The following MEA1 variants were observed in gnomAD, a reference collection of about 807,000 sequenced individuals.
MEA1 encodes the protein male-enhanced antigen 1, also known as Male-enhanced antigen (H-Y structural gene).
A neutral mutation model predicts 21.4 loss-of-function variants in MEA1; 22 were observed. That is an observed-to-expected ratio of 1.03 (90% confidence interval 0.73 to 1.47). The LOEUF (loss-of-function observed/expected upper bound fraction) is 1.47. Among genes scored for constraint, MEA1 ranks in the 40% most tolerant of loss-of-function variants. MEA1 has a pLI of 0.00. For missense variants in MEA1, 233 were observed against 230.5 expected, an observed-to-expected ratio of 1.01 and a Z score of -0.07; for synonymous variants, 91 against 85.5, an observed-to-expected ratio of 1.06 and a Z score of -0.35.
intron 1 of MEA1, 145 bp downstream of exon 1, chr6:43,013,641 A>T (rs1762461703): frequency 1.1e-6 from 1 of 930,140 alleles, no homozygotes; most frequent in Non-Finnish European, 1.7e-6. Context: ...AGGCCCTGCC[A>T]CCTCCTAAAA....
chr6:43,015,579 G>T (rs886747690), upstream of MEA1, among the ~76,000 whole-genome samples: 2 of 152,166 alleles, frequency 1.3e-5, no homozygotes, highest in African/African-American at 4.8e-5. Flanking sequence ...GCTGGGCATG[G>T]TGGCTCACGC....
upstream of MEA1, chr6:43,014,502 AG>A: frequency 2.1e-6 from 1 of 482,062 alleles, no homozygotes; most frequent in Non-Finnish European, 4.1e-6. Flanking sequence ...TAATGGGGAA[AG>A]CAGGGCTAGG....
chr6:43,013,023 C>T lies in MEA1; in HGVS notation c.309G>A (p.Leu103=). 3 of 1,614,208 alleles carry T rather than the reference C, an allele frequency of 1.9e-6. No homozygotes were observed. Among genetic ancestry groups the T allele is most frequent in the Non-Finnish European group, 2.5e-6 (3 of 1,180,032 alleles). The change falls in exon 3 of 4, where the codon CTG becomes CTA. Residue 103 remains leucine (L), a synonymous_variant. Transcript: ENST00000244711. The stretch of plus-strand genomic sequence containing the variant: ...ATGGTGGGTCTGGCAAATGAAGCCC[C>T]AGGGCCTGCAGAGCCACAGAAGACC... ...VADIQDRIQA[L]GLHLPDPPLE... is the part of the protein sequence containing the mutation.
upstream of MEA1, chr6:43,014,299 G>T: frequency 2.9e-6 from 2 of 696,060 alleles, no homozygotes; most frequent in Non-Finnish European, 4.7e-6. Context: ...CGGGTTCTAG[G>T]CTGCAGGCAG....
chr6:43,014,486 G>A (rs1762508587), upstream of MEA1: 1 of 501,764 alleles, frequency 2.0e-6, no homozygotes, highest in Non-Finnish European at 3.9e-6. Context: ...TGGGAAAGGA[G>A]AGTGTTAATG....
chr6:43,014,530 A>G (rs776771304), upstream of MEA1: 2 of 468,072 alleles, frequency 4.3e-6, no homozygotes, highest in South Asian at 3.1e-5. Context: ...TGGCGAGGAG[A>G]TGGGTAGGAG....
Position 43,013,042 on chromosome 6 carries a change from G to T in MEA1, c.304-14C>A. 5 of 1,614,172 alleles carry T rather than the reference G, an allele frequency of 3.1e-6. No individual in the cohort carries two copies. The highest frequency in any genetic ancestry group is 1.6e-4 in the Middle Eastern group (1 of 6,062). On this transcript the variant is annotated splice_polypyrimidine_tract_variant and intron_variant, in intron 2 of 3. Coordinates refer to ENST00000244711, the MANE Select transcript of MEA1 (RefSeq NM_014623.4). ...AAGCCCCAGGGCCTGCAGAGCCACA[G>T]AAGACCGTTTGGGTCTAGGCTTTCA...
chr6:43,016,816 GT>G (rs926609763), upstream of MEA1: 2 of 235,888 alleles, frequency 8.5e-6, no homozygotes, highest in African/African-American at 4.5e-5. Flanking sequence ...GGGGCTTCAA[GT>G]TTGTGCCAAG....
chr6:43,012,924 ACC>A lies in MEA1; in HGVS notation c.406_406+1del. ...TTCCAGAATGAAAGAATGATCTTTTACCTGGGTCCATGGGAATAGAGCTGTGG... is the reference window on the plus strand; with the variant it reads ...TTCCAGAATGAAAGAATGATCTTTTATGGGTCCATGGGAATAGAGCTGTGG... On this transcript the variant is annotated splice_donor_variant and coding_sequence_variant, in exon 3 of 4. Coordinates refer to ENST00000244711, the MANE Select transcript of MEA1 (RefSeq NM_014623.4). LOFTEE classifies it high-confidence loss of function. 6.2e-7 allele frequency: 1 copy of A among 1,611,706 alleles called. No individual in the cohort carries two copies. Among genetic ancestry groups the A allele is most frequent in the Non-Finnish European group, 8.5e-7 (1 of 1,177,774 alleles).
In MEA1 at chr6:43,012,938, G is replaced by A. The variant is rs1762423462; in HGVS notation, c.394C>T (p.Pro132Ser). Residue 132 changes from proline to serine, a missense_variant, in exon 3 of 4, where the codon CCC becomes TCC. By Grantham distance (74) the Pro-to-Ser change is moderately conservative. Transcript: ENST00000244711. ...ATALNNHSSI[P>S]MDPEHVELVK... ...AATGATCTTTTACCTGGGTCCATGG[G>A]AATAGAGCTGTGGTTGTTCAACGCT... The A allele has an allele frequency of 1.2e-6, 2 of 1,613,496 alleles. No homozygotes were observed. The highest frequency in any genetic ancestry group is 1.7e-6 in the Non-Finnish European group (2 of 1,179,516).
upstream of MEA1, chr6:43,014,362 G>T (rs1762503014): frequency 1.9e-5 from 12 of 621,200 alleles, no homozygotes; most frequent in South Asian, 2.1e-4. Flanking sequence ...GCCTGGGATG[G>T]GTAGAAGGGC....
At position 43,013,233 on chromosome 6, in the gene MEA1, C is replaced by A. The variant is rs1314349767; in HGVS notation, c.185G>T (p.Gly62Val). 3 of 1,614,150 alleles carry A rather than the reference C, an allele frequency of 1.9e-6. No homozygotes were observed. Among genetic ancestry groups the A allele is most frequent in the South Asian group, 2.2e-5 (2 of 91,076 alleles). ...GTAGGAGTAGCCAGCTGGGCCCGAC[C>A]CCGTTTCCTCCTGCTCTTCCTCAGG... ...EEPEEEQEET[G>V]SGPAGYSYQP... The change falls in exon 2 of 4, where the codon GGG becomes GTG. Residue 62 changes from glycine (G) to valine (V), a missense_variant. Coordinates refer to ENST00000244711, the MANE Select transcript of MEA1 (RefSeq NM_014623.4).
rs1463790539 is a variant in MEA1, at chr6:43,011,267, C to G, written c.*1203G>C. ...AAGCGGGCGGAAGAGTTCCTAACTGCCAGCCAGGAGGCTCTCTGACCCCTC... is the reference window on the plus strand; with the variant it reads ...AAGCGGGCGGAAGAGTTCCTAACTGGCAGCCAGGAGGCTCTCTGACCCCTC... On this transcript the variant is annotated 3_prime_UTR_variant, in exon 4 of 4. Coordinates refer to ENST00000244711, the MANE Select transcript of MEA1 (RefSeq NM_014623.4). The G allele has an allele frequency of 6.2e-7, 1 of 1,614,028 alleles. No individual in the cohort carries two copies. Among genetic ancestry groups the G allele is most frequent in the South Asian group, 1.1e-5 (1 of 91,080 alleles).
At chr6:43,015,498 G>GA (rs775265985), upstream of MEA1, among the ~76,000 whole-genome samples, 6 of 152,170 alleles carry the variant, frequency 3.9e-5, no homozygotes, top group Admixed American at 6.5e-5. Context: ...GGATTTGCCT[G>GA]AAAAAACCTC....
At chr6:43,015,310 T>C (rs2150289762), upstream of MEA1, among the ~76,000 whole-genome samples, 2 of 152,244 alleles carry the variant, frequency 1.3e-5, no homozygotes, top group East Asian at 3.9e-4. Context: ...TGGGTGGGAC[T>C]AGCAAGCCAG....
rs1705921580 is a variant in MEA1, at chr6:43,011,576, T to G, written c.*894A>C. On this transcript the variant is annotated 3_prime_UTR_variant, in exon 4 of 4. Coordinates refer to ENST00000244711, the MANE Select transcript of MEA1 (RefSeq NM_014623.4). ...TACCTGCTCCTCACCCACAGCTACC[T>G]GAGGCTGCTCTGAGAAGTACACACA... is the stretch of plus-strand genomic sequence containing the variant. The G allele has an allele frequency of 2.0e-6, 1 of 489,074 alleles. No individual in the cohort carries two copies. Among genetic ancestry groups the G allele is most frequent in the African/African-American group, 1.9e-5 (1 of 51,606 alleles). The allele number at this position is 489,074 out of a possible 1,614,324, so 30.3% of individuals were successfully genotyped here.
Position 43,011,414 on chromosome 6 carries a change from G to A in MEA1, c.*1056C>T. On this transcript the variant is annotated 3_prime_UTR_variant, in exon 4 of 4. Coordinates refer to ENST00000244711, the MANE Select transcript of MEA1 (RefSeq NM_014623.4). ...GCCTCTCTAGCTACTCAAGGGAGGGGGATGTGGGCACTTGAAGCAGGGACA... is the reference window on the plus strand; with the variant it reads ...GCCTCTCTAGCTACTCAAGGGAGGGAGATGTGGGCACTTGAAGCAGGGACA... The A allele has an allele frequency of 1.5e-6, 2 of 1,293,052 alleles. No individual in the cohort carries two copies. Among genetic ancestry groups the A allele is most frequent in the Non-Finnish European group, 2.1e-6 (2 of 949,348 alleles). The allele number at this position is 1,293,052 out of a possible 1,614,324, so 80.1% of individuals were successfully genotyped here.
intron 1 of MEA1, 84 bp downstream of exon 1, chr6:43,013,702 T>A: frequency 7.2e-7 from 1 of 1,390,844 alleles, no homozygotes; most frequent in Non-Finnish European, 1.0e-6. Flanking sequence ...CCCCGCGACT[T>A]GGGAACTCTG....
At position 43,012,910 on chromosome 6, in the gene MEA1, A is replaced by G. The variant is rs987592224; in HGVS notation, c.406+16T>C. ...TTCCTTAGTAATTATTCCAGAATGA[A>G]AGAATGATCTTTTACCTGGGTCCAT... is the stretch of plus-strand genomic sequence containing the variant. On this transcript the variant is annotated intron_variant, in intron 3 of 3. Transcript: ENST00000244711. The G allele has an allele frequency of 6.2e-7, 1 of 1,607,068 alleles. No homozygotes were observed. The highest frequency in any genetic ancestry group is 8.5e-7 in the Non-Finnish European group (1 of 1,174,024).
Sources: allele counts gnomAD v4.1 joint callset (sites outside exome capture counted in the v4.1 genomes callset), GRCh38; gene constraint gnomAD v4.1.1; transcripts MANE v1.5; gene names NCBI Gene and HGNC (gene_info 2026-07-23, HGNC 2026-07-21).